Variants in ATP13A3 observed in about 807,000 individuals in gnomAD.
ATP13A3 encodes the protein polyamine-transporting ATPase 13A3.
ATP13A3 carries 59 observed loss-of-function variants against 158.1 expected under a neutral mutation model. That is an observed-to-expected ratio of 0.37 (90% CI 0.30 to 0.46). The LOEUF (loss-of-function observed/expected upper bound fraction) is 0.46, where lower values mean the gene tolerates loss of function less well. Among genes scored for constraint, ATP13A3 ranks in the 20% least tolerant of loss-of-function variants. ATP13A3 has a pLI of 1.00. For synonymous variants in ATP13A3, 491 were observed against 504.3 expected (o/e 0.97, Z 0.35); for missense variants, 1,166 against 1,525.2 (o/e 0.76, Z 3.92).
chr3:194,467,418 C>G (rs992853802), intron 2 of ATP13A3, among the ~76,000 whole-genome samples: 1 of 152,142 alleles, frequency 6.6e-6, no homozygotes, highest in Non-Finnish European at 1.5e-5. Flanking sequence ...AATTTTTTAA[C>G]CATATTACAC....
chr3:194,476,785 A>G (rs1165746016), intron 2 of ATP13A3, among the ~76,000 whole-genome samples: 1 of 140,128 alleles, frequency 7.1e-6, no homozygotes, highest in African/African-American at 3.1e-5. Flanking sequence ...TTTTTTCAAA[A>G]CAATTAAATT....
intron 31 of ATP13A3, among the ~76,000 whole-genome samples, chr3:194,418,862 T>C (rs1716083892): frequency 6.6e-6 from 1 of 152,204 alleles, no homozygotes; most frequent in Non-Finnish European, 1.5e-5. Context: ...TACCAGCACA[T>C]GGCAATATTT....
intron 31 of ATP13A3, among the ~76,000 whole-genome samples, chr3:194,417,509 G>A (rs554524028): frequency 6.6e-6 from 1 of 151,638 alleles, no homozygotes; most frequent in South Asian, 2.1e-4. Flanking sequence ...AATGTGAGAG[G>A]GGGGTAGGAG....
At chr3:194,435,710 C>T (rs1209120231) in intron 20 of ATP13A3, among the ~76,000 whole-genome samples, 1 of 152,132 alleles carries the variant, frequency 6.6e-6, no homozygotes, top group Non-Finnish European at 1.5e-5. Flanking sequence ...AGTTCGAGAC[C>T]AGCCTGGCCA....
At chr3:194,416,592 T>C in intron 31 of ATP13A3, among the ~76,000 whole-genome samples, 1 of 152,170 alleles carries the variant, frequency 6.6e-6, no homozygotes, top group East Asian at 1.9e-4. Context: ...GGTGAACTAT[T>C]AGGAACACGT....
chr3:194,410,875 A>C (rs1306144736), intron 33 of ATP13A3, among the ~76,000 whole-genome samples: 1 of 124,622 alleles, frequency 8.0e-6, no homozygotes, highest in Non-Finnish European at 1.6e-5. Flanking sequence ...GCCAAAGATA[A>C]CCTTCTGAAG....
In ATP13A3 at chr3:194,460,264, CCTCTT is replaced by C. The variant is rs1719553293; in HGVS notation, c.226-298_226-294del. Among the ~76,000 whole-genome samples, 3 of 152,158 alleles carry C rather than the reference CCTCTT, an allele frequency of 2.0e-5. No individual in the cohort carries two copies. The South Asian group carries it at 6.2e-4, about 32-fold the overall frequency. The stretch of plus-strand genomic sequence containing the variant: ...TCTATATTTGGACTAAATATTAAAA[CCTCTT>C]ATAAAATGCTTCCAATTAGGGTTTT... On this transcript the variant is annotated intron_variant, in intron 4 of 33. Coordinates refer to ENST00000645319, the MANE Select transcript of ATP13A3 (RefSeq NM_001367549.1).
In ATP13A3 at chr3:194,421,130, A is replaced by AC. The variant is rs1287251070; in HGVS notation, c.3314-1164_3314-1163insG. ...GTGTAGGGTGTATATATATATATAT[A>AC]TATATAGTATATATATATATATATA... On this transcript the variant is annotated intron_variant, in intron 30 of 33. Transcript: ENST00000645319. Among the ~76,000 whole-genome samples, 26 of 38,466 alleles carry AC rather than the reference A, an allele frequency of 6.8e-4. 3 individuals carry two copies. Among genetic ancestry groups the AC allele is most frequent in the Non-Finnish European group, 8.6e-4 (22 of 25,510 alleles). 25.2% of individuals were successfully genotyped at this position (38,466 alleles called of 152,430 possible). A position where few individuals can be genotyped will look rare whatever the true frequency, so the allele number is the denominator to read the frequency against.
chr3:194,406,202 A>G, intron 33 of ATP13A3, 86 bp from the exon 34 acceptor site: 2 of 1,326,586 alleles, frequency 1.5e-6, no homozygotes, highest in Non-Finnish European at 1.0e-6. Flanking sequence ...AGCACACATT[A>G]GCAGAGAAAA....
chr3:194,480,049 G>A (rs1720688295), intron 2 of ATP13A3, among the ~76,000 whole-genome samples: 1 of 152,046 alleles, frequency 6.6e-6, no homozygotes, highest in Non-Finnish European at 1.5e-5. Context: ...AAAAAACAAA[G>A]AGCAATCATC....
chr3:194,413,794 C>T lies in ATP13A3; in HGVS notation c.3448G>A (p.Val1150Ile), dbSNP rs959979899. The T allele has an allele frequency of 2.5e-6, 4 of 1,613,864 alleles. No individual in the cohort carries two copies. The African/African-American group carries it at 5.3e-5, about 22-fold the overall frequency. Residue 1150 changes from valine (V) to isoleucine (I), a missense_variant, in exon 32 of 34, where the codon GTT becomes ATT. Physicochemically the swap from Val to Ile is conservative, Grantham distance 29 (BLOSUM62 3). Coordinates refer to ENST00000645319, the MANE Select transcript of ATP13A3 (RefSeq NM_001367549.1). ...ATAGACACAAAGGCATTGACAAGAACAATGATGAGCATAGTTACACGCCAC... is the reference window on the plus strand; with the variant it reads ...ATAGACACAAAGGCATTGACAAGAATAATGATGAGCATAGTTACACGCCAC... ...YQWRVTMLII[V>I]LVNAFVSITV...
At chr3:194,411,066 G>GAA (rs35746857) in intron 33 of ATP13A3, among the ~76,000 whole-genome samples, 4,216 of 145,112 alleles carry the variant, frequency 0.029, 219 homozygotes, top group African/African-American at 0.1. Context: ...CTGCTTTCAG[G>GAA]AAAAAAAAAA....
intron 29 of ATP13A3, among the ~76,000 whole-genome samples, chr3:194,426,492 C>G (rs1577041576): frequency 6.6e-6 from 1 of 152,088 alleles, no homozygotes; most frequent in East Asian, 1.9e-4. Flanking sequence ...ACAAAACACT[C>G]TGGGTTTAGA....
At chr3:194,414,703 A>T (rs1046611533) in intron 31 of ATP13A3, among the ~76,000 whole-genome samples, 4 of 152,228 alleles carry the variant, frequency 2.6e-5, no homozygotes, top group African/African-American at 9.6e-5. Flanking sequence ...GGCACAGATA[A>T]ATAGACACAC....
chr3:194,433,974 T>G (rs2108830732), intron 20 of ATP13A3, 78 bp from the exon 21 acceptor site: 1 of 1,365,956 alleles, frequency 7.3e-7, no homozygotes, highest in East Asian at 2.4e-5. Context: ...TTGAAATATC[T>G]AAACAATTAA....
chr3:194,493,641 A>G (rs1721170819), intron 2 of ATP13A3, among the ~76,000 whole-genome samples: 1 of 152,076 alleles, frequency 6.6e-6, no homozygotes, highest in Non-Finnish European at 1.5e-5. Context: ...CCATCTCAAA[A>G]AACAAAACAA....
intron 2 of ATP13A3, among the ~76,000 whole-genome samples, chr3:194,463,922 G>C (rs1486581478): frequency 6.6e-6 from 1 of 152,228 alleles, no homozygotes; most frequent in Non-Finnish European, 1.5e-5. Context: ...CGCTCTGGGA[G>C]GCCAAGGCAG....
chr3:194,410,460 C>T (rs888071656), intron 33 of ATP13A3, among the ~76,000 whole-genome samples: 7 of 151,816 alleles, frequency 4.6e-5, no homozygotes, highest in African/African-American at 1.7e-4. Context: ...GCCAGCTACC[C>T]GGGAGGCTGA....
chr3:194,407,684 C>A (rs1295651079), intron 33 of ATP13A3, among the ~76,000 whole-genome samples: 1 of 152,090 alleles, frequency 6.6e-6, no homozygotes, highest in African/African-American at 2.4e-5. Context: ...AAGTAAGCTA[C>A]GTGGCATTCT....
Sources: allele counts gnomAD v4.1 joint callset (sites outside exome capture counted in the v4.1 genomes callset), GRCh38; gene constraint gnomAD v4.1.1; transcripts MANE v1.5; gene names NCBI Gene and HGNC (gene_info 2026-07-23, HGNC 2026-07-21).